The following CTTNBP2NL variants were observed in gnomAD, a reference collection of about 807,000 sequenced individuals.
The protein encoded by CTTNBP2NL is CTTNBP2 N-terminal like.
In CTTNBP2NL, 16 loss-of-function variants were observed where a neutral mutation model predicts 32.5. The observed-to-expected ratio is 0.49, with a 90% CI of 0.33 to 0.75. CTTNBP2NL has a LOEUF of 0.75. Ranked by LOEUF, CTTNBP2NL falls within the 30% of genes least tolerant of loss-of-function variation. The probability of loss-of-function intolerance (pLI) is 0.02; values close to 1 mark genes in which losing one functional copy is unlikely to be tolerated. For synonymous variants in CTTNBP2NL, 298 were observed against 289.4 expected, an observed-to-expected ratio of 1.03 and a Z score of -0.30; for missense variants, 645 against 756.0, an observed-to-expected ratio of 0.85 and a Z score of 1.72.
chr1:112,405,110 T>A (rs1226621616), intron 1 of CTTNBP2NL, among the ~76,000 whole-genome samples: 1 of 152,214 alleles, frequency 6.6e-6, no homozygotes, highest in Non-Finnish European at 1.5e-5. Flanking sequence ...AGTTTCCTGG[T>A]AATAATATTC....
At chr1:112,415,997 G>A (rs939638815) in intron 2 of CTTNBP2NL, 160 bp from the exon 3 acceptor site, 1 of 544,380 alleles carries the variant, frequency 1.8e-6, no homozygotes, top group Non-Finnish European at 3.2e-6. Flanking sequence ...TGCTTAGTTT[G>A]TGATTAACAC....
At chr1:112,398,817 CAAAA>C (rs3033224) in intron 1 of CTTNBP2NL, among the ~76,000 whole-genome samples, 2 of 93,600 alleles carry the variant, frequency 2.1e-5, no homozygotes, top group Non-Finnish European at 4.6e-5. Flanking sequence ...TGTCTCTTAA[CAAAA>C]AAAAAAAAAA....
In CTTNBP2NL at chr1:112,454,475, G is replaced by A; in HGVS notation, c.357G>A (p.Arg119=). ...TGATCCTAGACCTTGAGGAAGAAAGGCAGCGGCATGCACAGGATACGGCTG... is the reference window on the plus strand; with the variant it reads ...TGATCCTAGACCTTGAGGAAGAAAGACAGCGGCATGCACAGGATACGGCTG... ...RKVILDLEEE[R]QRHAQDTAEG... The change falls in exon 5 of 6, where the codon AGG becomes AGA. Residue 119 remains arginine, a synonymous_variant. Transcript: ENST00000271277. The A allele has an allele frequency of 1.9e-6, 3 of 1,613,878 alleles. No homozygotes were observed. Among genetic ancestry groups the A allele is most frequent in the East Asian group, 2.2e-5 (1 of 44,880 alleles).
intron 1 of CTTNBP2NL, among the ~76,000 whole-genome samples, chr1:112,403,627 TCTC>T (rs1263518619): frequency 6.6e-6 from 1 of 152,248 alleles, no homozygotes; most frequent in African/African-American, 2.4e-5. Context: ...GAAACCCATT[TCTC>T]AGTCATCACA....
At position 112,457,182 on chromosome 1, in the gene CTTNBP2NL, C is replaced by T. The variant is rs772505935; in HGVS notation, c.1690C>T (p.Pro564Ser). 4 of 1,614,178 alleles carry T rather than the reference C, an allele frequency of 2.5e-6. No individual in the cohort carries two copies. The highest frequency in any genetic ancestry group is 1.6e-4 in the Middle Eastern group (1 of 6,062). Residue 564 changes from proline to serine, a missense_variant, in exon 6 of 6, where the codon CCA becomes TCA. Coordinates refer to ENST00000271277, the MANE Select transcript of CTTNBP2NL (RefSeq NM_018704.3). ...GTCCAGTCCCCTGAGCCCCCTGTCT[C>T]CAGGAATCAAGTCCCCAACCATCCC... Reference protein sequence around the residue: ...KVSSPLSPLSPGIKSPTIPRA... With the variant: ...KVSSPLSPLSSGIKSPTIPRA...
In CTTNBP2NL at chr1:112,456,541, G is replaced by A; in HGVS notation, c.1049G>A (p.Gly350Asp). 1.1e-5 allele frequency: 17 copies of A among 1,614,162 alleles called. No individual in the cohort carries two copies. Among genetic ancestry groups the A allele is most frequent in the Non-Finnish European group, 1.4e-5 (17 of 1,180,036 alleles). Reference protein sequence around the residue: ...TPAYSYAKTNGHCDPEIQTTR... With the variant: ...TPAYSYAKTNDHCDPEIQTTR... ...GCTTACTCATATGCAAAAACCAATG[G>A]CCATTGTGACCCAGAGATACAAACT... The change falls in exon 6 of 6, where the codon GGC (glycine) becomes GAC (aspartate). Residue 350 changes from glycine (G) to aspartate (D), a missense_variant. Transcript: ENST00000271277.
chr1:112,423,158 GT>G (rs1649279347), intron 3 of CTTNBP2NL, among the ~76,000 whole-genome samples: 1 of 151,912 alleles, frequency 6.6e-6, no homozygotes, highest in Non-Finnish European at 1.5e-5. Flanking sequence ...TAAGTTATTT[GT>G]TTTCTCATTA....
intron 3 of CTTNBP2NL, among the ~76,000 whole-genome samples, chr1:112,446,359 C>T (rs570886556): frequency 1.3e-5 from 2 of 151,974 alleles, no homozygotes; most frequent in Admixed American, 1.3e-4. Flanking sequence ...GAGCCAGACC[C>T]TGTCTCAAAC....
chr1:112,418,606 T>TTTACTTAAAGTAATTAA (rs1649133279), intron 3 of CTTNBP2NL, among the ~76,000 whole-genome samples: 1 of 152,158 alleles, frequency 6.6e-6, no homozygotes, highest in Non-Finnish European at 1.5e-5. Flanking sequence ...CTTTCCCTTT[T>TTTACTTAAAGTAATTAA]ATTACTTTAA....
chr1:112,457,500 T>C lies in CTTNBP2NL; in HGVS notation c.*88T>C, dbSNP rs1650408277. On this transcript the variant is annotated 3_prime_UTR_variant, in exon 6 of 6. Coordinates refer to ENST00000271277, the MANE Select transcript of CTTNBP2NL (RefSeq NM_018704.3). ...CTTCTGAGTCAGATTATGTTATTTA[T>C]TTTGATAGTAGCTGAAACCATCTGT... The C allele has an allele frequency of 8.6e-7, 1 of 1,161,008 alleles. No individual in the cohort carries two copies. Among genetic ancestry groups the C allele is most frequent in the South Asian group, 1.5e-5 (1 of 66,884 alleles). 71.9% of individuals were successfully genotyped at this position (1,161,008 alleles called of 1,614,324 possible).
At chr1:112,423,114 G>A (rs1460414931) in intron 3 of CTTNBP2NL, among the ~76,000 whole-genome samples, 1 of 152,088 alleles carries the variant, frequency 6.6e-6, no homozygotes, top group African/African-American at 2.4e-5. Context: ...TTTGGTGCAT[G>A]CAGTATCTGT....
chr1:112,406,932 A>T (rs186519124), intron 1 of CTTNBP2NL, among the ~76,000 whole-genome samples: 3 of 152,316 alleles, frequency 2.0e-5, no homozygotes, highest in African/African-American at 7.2e-5. Context: ...TTCAAAGTCT[A>T]TGTTGGCAGT....
Position 112,449,079 on chromosome 1 carries a change from A to T in CTTNBP2NL, c.237A>T (p.Pro79=). 1 of 1,613,272 alleles carries T rather than the reference A, an allele frequency of 6.2e-7. No individual in the cohort carries two copies. Among genetic ancestry groups the T allele is most frequent in the Non-Finnish European group, 8.5e-7 (1 of 1,179,302 alleles). ...DGEKQPVCTN[P]LSILKVVMKQ... ...AAAAGCAGCCAGTCTGCACAAATCC[A>T]CTCTCTATTCTTAAGGTTGTGATGA... Residue 79 remains proline (P), a synonymous_variant, in exon 4 of 6, where the codon CCA becomes CCT. Coordinates refer to ENST00000271277, the MANE Select transcript of CTTNBP2NL (RefSeq NM_018704.3).
rs142544031 is a variant in CTTNBP2NL, at chr1:112,453,407, A to G, written c.331-1042A>G. 2.6e-3 allele frequency among the ~76,000 whole-genome samples: 401 copies of G among 152,292 alleles called. 2 individuals carry two copies. The highest frequency in any genetic ancestry group is 4.4e-3 in the Non-Finnish European group (298 of 68,020). On this transcript the variant is annotated intron_variant, in intron 4 of 5. Transcript: ENST00000271277. Reference sequence around the variant, plus strand: ...AAGCATGAGCAGAAGCTACTAAGCAATCAGAATATTTGCAGTTGTAGATGG... The same window carrying G: ...AAGCATGAGCAGAAGCTACTAAGCAGTCAGAATATTTGCAGTTGTAGATGG...
At chr1:112,405,172 T>G (rs1570714289) in intron 1 of CTTNBP2NL, among the ~76,000 whole-genome samples, 1 of 152,358 alleles carries the variant, frequency 6.6e-6, no homozygotes, top group East Asian at 1.9e-4. Flanking sequence ...AAAAATTTAT[T>G]AATATAAAAG....
intron 3 of CTTNBP2NL, among the ~76,000 whole-genome samples, chr1:112,435,106 G>GCA (rs1390664364): frequency 7.6e-6 from 1 of 131,350 alleles, no homozygotes; most frequent in Admixed American, 9.4e-5. Context: ...TCACACCATT[G>GCA]CACTCCAGCC....
intron 3 of CTTNBP2NL, among the ~76,000 whole-genome samples, chr1:112,437,343 T>G (rs1649764224): frequency 6.6e-6 from 1 of 152,220 alleles, no homozygotes; most frequent in Non-Finnish European, 1.5e-5. Context: ...TGAGATGGTA[T>G]CTCATTGTGG....
chr1:112,439,976 T>C (rs1649850803), intron 3 of CTTNBP2NL, among the ~76,000 whole-genome samples: 1 of 152,238 alleles, frequency 6.6e-6, no homozygotes, highest in African/African-American at 2.4e-5. Context: ...GAGAGGCTAT[T>C]TGTTCATTGC....
At chr1:112,446,343 T>C (rs1650035538) in intron 3 of CTTNBP2NL, among the ~76,000 whole-genome samples, 1 of 151,962 alleles carries the variant, frequency 6.6e-6, no homozygotes, top group Non-Finnish European at 1.5e-5. Context: ...TGCAGCCTGG[T>C]TGACAGAGCC....
Sources: gnomAD v4.1 joint callset for allele counts (sites outside exome capture counted in the v4.1 genomes callset) on GRCh38, gnomAD v4.1.1 for gene constraint, MANE v1.5 for transcripts, NCBI Gene and HGNC (gene_info 2026-07-23, HGNC 2026-07-21) for gene names.